CDH18: variants seen among roughly 807,000 people sequenced by gnomAD.
The protein encoded by CDH18 is cadherin-18.
In CDH18, 31 loss-of-function variants were observed where a neutral mutation model predicts 67.9. The observed-to-expected ratio is 0.46, with a 90% CI of 0.34 to 0.62. The LOEUF (loss-of-function observed/expected upper bound fraction) is 0.62, where lower values mean the gene tolerates loss of function less well. CDH18 is among the 20% of genes least tolerant of loss of function. CDH18 has a pLI of 0.01. For missense variants in CDH18, 890 were observed against 975.5 expected (o/e 0.91, Z 1.17); for synonymous variants, 362 against 347.2 (o/e 1.04, Z -0.48).
intron 1 of CDH18, among the ~76,000 whole-genome samples, chr5:20,277,117 G>T (rs1745868308): frequency 6.6e-6 from 1 of 152,274 alleles, no homozygotes; most frequent in Non-Finnish European, 1.5e-5. Flanking sequence ...GGCTGTCTTT[G>T]CCACCTGCTG....
chr5:19,600,109 C>T (rs1746849767), intron 6 of CDH18, among the ~76,000 whole-genome samples: 1 of 150,404 alleles, frequency 6.6e-6, no homozygotes, highest in Non-Finnish European at 1.5e-5. Context: ...GGACAGAAAA[C>T]CAAACAGTGC....
chr5:19,746,168 C>G (rs1163516315), intron 4 of CDH18, among the ~76,000 whole-genome samples: 1 of 151,878 alleles, frequency 6.6e-6, no homozygotes, highest in Admixed American at 6.6e-5. Context: ...GAAAAATAAA[C>G]AAAAATAAAT....
At chr5:20,453,064 AC>A (rs1264966401) in intron 1 of CDH18, among the ~76,000 whole-genome samples, 3 of 152,162 alleles carry the variant, frequency 2.0e-5, no homozygotes, top group Admixed American at 2.0e-4. Context: ...TATCTGGTAT[AC>A]TTTTACTTGT....
intron 1 of CDH18, among the ~76,000 whole-genome samples, chr5:20,543,973 T>G (rs925650730): frequency 9.9e-5 from 15 of 152,276 alleles, no homozygotes; most frequent in Admixed American, 9.8e-4. Flanking sequence ...TCAAGGAATA[T>G]AGAACACATA....
chr5:19,934,176 G>C (rs541738027), intron 2 of CDH18, among the ~76,000 whole-genome samples: 7 of 150,792 alleles, frequency 4.6e-5, no homozygotes, highest in African/African-American at 1.2e-4. Flanking sequence ...GGAAACAAAA[G>C]ACAGAAAGAG....
chr5:19,827,026 G>A (rs1289781615), intron 3 of CDH18, among the ~76,000 whole-genome samples: 1 of 152,076 alleles, frequency 6.6e-6, no homozygotes, highest in Non-Finnish European at 1.5e-5. Context: ...AAAGTAAGGG[G>A]ATGGAGAAAA....
intron 2 of CDH18, among the ~76,000 whole-genome samples, chr5:19,948,377 CTG>C (rs1320737922): frequency 5.9e-5 from 9 of 152,062 alleles, no homozygotes; most frequent in African/African-American, 2.2e-4. Flanking sequence ...GTTAAACAAA[CTG>C]AATTATCTAT....
At chr5:20,075,392 A>G (rs1301049236) in intron 2 of CDH18, among the ~76,000 whole-genome samples, 1 of 152,120 alleles carries the variant, frequency 6.6e-6, no homozygotes, top group East Asian at 1.9e-4. Flanking sequence ...AGCCCCAGCT[A>G]CTTGGGAGGC....
intron 1 of CDH18, among the ~76,000 whole-genome samples, chr5:20,282,542 C>A (rs1160847552): frequency 1.3e-5 from 2 of 152,060 alleles, no homozygotes; most frequent in Non-Finnish European, 2.9e-5. Context: ...GTTGAACCAG[C>A]CTTGCATCCC....
chr5:20,531,922 A>T (rs1453902835), intron 1 of CDH18, among the ~76,000 whole-genome samples: 3 of 152,134 alleles, frequency 2.0e-5, no homozygotes, highest in Non-Finnish European at 4.4e-5. Flanking sequence ...AATTAAGAAA[A>T]GAAAAAAATA....
chr5:20,386,529 T>C (rs1441193650), intron 1 of CDH18, among the ~76,000 whole-genome samples: 2 of 152,146 alleles, frequency 1.3e-5, no homozygotes, highest in African/African-American at 4.8e-5. Flanking sequence ...ATAACATTAC[T>C]AATATATCCA....
chr5:20,308,906 A>G (rs1478728503), intron 1 of CDH18, among the ~76,000 whole-genome samples: 1 of 152,176 alleles, frequency 6.6e-6, no homozygotes, highest in East Asian at 1.9e-4. Flanking sequence ...AGAGTCAGTG[A>G]TTACAGATAC....
At chr5:20,011,361 C>T (rs180922544) in intron 2 of CDH18, among the ~76,000 whole-genome samples, 81 of 152,200 alleles carry the variant, frequency 5.3e-4, no homozygotes, top group Admixed American at 7.9e-4. Context: ...TGGGCTGAAA[C>T]AATGGAGTTT....
At chr5:19,966,543 T>C (rs951868119) in intron 2 of CDH18, among the ~76,000 whole-genome samples, 1 of 152,124 alleles carries the variant, frequency 6.6e-6, no homozygotes, top group African/African-American at 2.4e-5. Flanking sequence ...CAAATCACCA[T>C]ATCAGTCACA....
chr5:19,800,899 G>A (rs1193501631), intron 3 of CDH18, among the ~76,000 whole-genome samples: 2 of 152,146 alleles, frequency 1.3e-5, no homozygotes, highest in African/African-American at 4.8e-5. Flanking sequence ...CGGGCAGATT[G>A]CCTGAGCTCG....
chr5:19,705,120 C>T (rs114847746), intron 5 of CDH18, among the ~76,000 whole-genome samples: 162 of 152,242 alleles, frequency 1.1e-3, no homozygotes, highest in African/African-American at 3.7e-3. Context: ...TGAACTTACT[C>T]GTAAAAAATT....
chr5:20,419,462 G>GTTTTTTTTTTTTTTT lies in CDH18; in HGVS notation c.-580+155985_-580+155999dup, dbSNP rs202130030. Among the ~76,000 whole-genome samples the GTTTTTTTTTTTTTTT allele has an allele frequency of 1.5e-4, 11 of 75,658 alleles. 2 individuals are homozygous for GTTTTTTTTTTTTTTT. The highest frequency in any genetic ancestry group is 6.1e-4 in the African/African-American group (10 of 16,472). 49.6% of individuals were successfully genotyped at this position (75,658 alleles called of 152,430 possible). A position where few individuals can be genotyped will look rare whatever the true frequency, so the allele number is the denominator to read the frequency against. On this transcript the variant is annotated intron_variant, in intron 1 of 14. Transcript: ENST00000507958. ...CCAACCACCCAGGGTATGGGACTCT[G>GTTTTTTTTTTTTTTT]TTTTTTTTTTTTTTTTTTTTTTTTT...
chr5:19,568,381 T>TA (rs1166837726), intron 8 of CDH18, among the ~76,000 whole-genome samples: 1 of 152,148 alleles, frequency 6.6e-6, no homozygotes, highest in African/African-American at 2.4e-5. Context: ...AGCTTGGAGC[T>TA]AGCTACCTTT....
At chr5:19,591,972 A>T (rs1403516401) in intron 6 of CDH18, among the ~76,000 whole-genome samples, 1 of 152,118 alleles carries the variant, frequency 6.6e-6, no homozygotes, top group African/African-American at 2.4e-5. Context: ...ATTTTGGGTG[A>T]AGACAGTGAT....
Sources: allele counts gnomAD v4.1 joint callset (sites outside exome capture counted in the v4.1 genomes callset), GRCh38; gene constraint gnomAD v4.1.1; transcripts MANE v1.5; gene names NCBI Gene and HGNC (gene_info 2026-07-23, HGNC 2026-07-21).